The following CSMD1 variants were observed in gnomAD, a reference collection of about 807,000 sequenced individuals.
CSMD1 encodes the protein CUB and sushi domain-containing protein 1.
In CSMD1, 213 loss-of-function variants were observed where a neutral mutation model predicts 417.5. The ratio of observed to expected loss-of-function variants is 0.51; its 90% CI spans 0.46 to 0.57. The LOEUF (loss-of-function observed/expected upper bound fraction) is 0.57. Ranked by LOEUF, CSMD1 falls within the 20% of genes least tolerant of loss-of-function variation. The pLI is 0.00. For synonymous variants in CSMD1, 2,862 were observed against 1,736.8 expected, an observed-to-expected ratio of 1.65 and a Z score of -16.11; for missense variants, 6,923 against 4,529.7, an observed-to-expected ratio of 1.53 and a Z score of -15.17.
chr8:3,400,914 C>T (rs1401570793), intron 15 of CSMD1, among the ~76,000 whole-genome samples: 1 of 150,102 alleles, frequency 6.7e-6, no homozygotes, highest in Non-Finnish European at 1.5e-5. Flanking sequence ...TTAACTTGAG[C>T]TCCTGAAGAA....
intron 5 of CSMD1, among the ~76,000 whole-genome samples, chr8:3,959,410 G>T (rs938893828): frequency 6.6e-6 from 1 of 152,146 alleles, no homozygotes; most frequent in South Asian, 2.1e-4. Flanking sequence ...GAAGTGGGAA[G>T]ATCACTTGAA....
intron 5 of CSMD1, among the ~76,000 whole-genome samples, chr8:3,855,783 G>A (rs34866355): frequency 0.14 from 21,636 of 152,144 alleles, 1,677 homozygotes; most frequent in African/African-American, 0.21. Flanking sequence ...TCTGAGTAAA[G>A]ACAAGCTTTC....
chr8:4,477,467 A>G (rs1800865613), intron 2 of CSMD1, among the ~76,000 whole-genome samples: 1 of 152,232 alleles, frequency 6.6e-6, no homozygotes, highest in Non-Finnish European at 1.5e-5. Context: ...ATTTTCAGAT[A>G]TTTATATTTA....
chr8:4,093,489 G>A (rs2130854492), intron 3 of CSMD1, among the ~76,000 whole-genome samples: 1 of 152,254 alleles, frequency 6.6e-6, no homozygotes, highest in East Asian at 1.9e-4. Flanking sequence ...TTACATAGAT[G>A]TTATGTTAGC....
chr8:3,157,937 C>A lies in CSMD1; in HGVS notation c.5874G>T (p.Gly1958=). The change falls in exon 39 of 70, where the codon GGG becomes GGT. Residue 1958 remains glycine (G), a synonymous_variant. Coordinates refer to ENST00000635120, the MANE Select transcript of CSMD1 (RefSeq NM_033225.6). ...QGRSHISCMP[G]TVRRWNYPSP... ...ACGGATAGTTCCAACGGCGAACGGT[C>A]CCTGGCATACAGGAAATGTGGGAAC... is the stretch of plus-strand genomic sequence containing the variant. 1.3e-6 allele frequency: 2 copies of A among 1,554,524 alleles called. No homozygotes were observed. Among genetic ancestry groups the A allele is most frequent in the Non-Finnish European group, 1.7e-6 (2 of 1,148,658 alleles).
At chr8:4,736,028 C>G (rs1014107676) in intron 1 of CSMD1, among the ~76,000 whole-genome samples, 1 of 152,198 alleles carries the variant, frequency 6.6e-6, no homozygotes, top group African/African-American at 2.4e-5. Flanking sequence ...TGGAGACACT[C>G]AGGCTATTAT....
At chr8:4,155,432 G>T (rs530031408) in intron 3 of CSMD1, among the ~76,000 whole-genome samples, 1 of 152,150 alleles carries the variant, frequency 6.6e-6, no homozygotes, top group Non-Finnish European at 1.5e-5. Context: ...CTGTTTGGCA[G>T]GAACCTTGTT....
At chr8:4,043,242 A>AGCTATTAG (rs1369898851) in intron 3 of CSMD1, among the ~76,000 whole-genome samples, 1 of 152,248 alleles carries the variant, frequency 6.6e-6, no homozygotes, top group African/African-American at 2.4e-5. Flanking sequence ...CAAATGTTAC[A>AGCTATTAG]GCTATTAGGC....
At chr8:4,944,916 C>G (rs4875417) in intron 1 of CSMD1, among the ~76,000 whole-genome samples, 2 of 152,156 alleles carry the variant, frequency 1.3e-5, no homozygotes, top group South Asian at 2.1e-4. Context: ...ATACTCAAAA[C>G]AGTCGACATC....
At chr8:3,142,177 C>T (rs1359694385) in intron 41 of CSMD1, among the ~76,000 whole-genome samples, 1 of 152,202 alleles carries the variant, frequency 6.6e-6, no homozygotes, top group African/African-American at 2.4e-5. Flanking sequence ...GTCTCCCACA[C>T]ATCTGGCTCT....
chr8:4,210,351 T>C (rs1800232977), intron 3 of CSMD1, among the ~76,000 whole-genome samples: 1 of 152,236 alleles, frequency 6.6e-6, no homozygotes, highest in African/African-American at 2.4e-5. Flanking sequence ...AGTTGTATGA[T>C]ACCAACTTTG....
intron 1 of CSMD1, among the ~76,000 whole-genome samples, chr8:4,653,859 T>A (rs1047407550): frequency 1.3e-5 from 2 of 152,168 alleles, no homozygotes; most frequent in African/African-American, 4.8e-5. Flanking sequence ...GAAGAAGACA[T>A]GCATTTTTCA....
At chr8:4,848,712 G>C (rs1296061347) in intron 1 of CSMD1, among the ~76,000 whole-genome samples, 2 of 151,904 alleles carry the variant, frequency 1.3e-5, no homozygotes, top group African/African-American at 2.4e-5. Context: ...GCTAATTTTT[G>C]TATATTTTTA....
At chr8:3,663,775 C>G (rs1193205650) in intron 7 of CSMD1, among the ~76,000 whole-genome samples, 1 of 152,158 alleles carries the variant, frequency 6.6e-6, no homozygotes, top group Admixed American at 6.5e-5. Flanking sequence ...CTCACATATG[C>G]TGATTGATGT....
intron 3 of CSMD1, among the ~76,000 whole-genome samples, chr8:4,347,819 T>A (rs1374847536): frequency 2.1e-5 from 3 of 145,726 alleles, no homozygotes; most frequent in African/African-American, 5.3e-5. Context: ...TAAACAGATA[T>A]TATATCTTCT....
chr8:4,644,123 T>G (rs1326780117), intron 1 of CSMD1, among the ~76,000 whole-genome samples: 1 of 152,206 alleles, frequency 6.6e-6, no homozygotes, highest in East Asian at 1.9e-4. Flanking sequence ...GAGCAAGGCC[T>G]TGAAGGGAGC....
rs1254099921 is a variant in CSMD1 at position 3,107,775 on chromosome 8, G to T, written c.6778C>A (p.Pro2260Thr). 4 of 1,585,798 alleles carry T rather than the reference G, an allele frequency of 2.5e-6. No individual in the cohort carries two copies. The highest frequency in any genetic ancestry group is 3.4e-6 in the Non-Finnish European group (4 of 1,171,052). ...TCTGCCTGTGGAACCGCTGGGGGAG[G>T]TTGACATTTCTTGAGCTGAAATGCT... is the stretch of plus-strand genomic sequence containing the variant. ...FHAFQLKKCQPPPAVPQAEML... is the reference protein window; with the variant it reads ...FHAFQLKKCQTPPAVPQAEML... The change falls in exon 45 of 70, where the codon CCT becomes ACT. Residue 2260 changes from proline (P) to threonine (T), a missense_variant. Physicochemically the swap from Pro to Thr is conservative, Grantham distance 38. Coordinates refer to ENST00000635120, the MANE Select transcript of CSMD1 (RefSeq NM_033225.6).
At chr8:4,277,940 G>C (rs892505668) in intron 3 of CSMD1, among the ~76,000 whole-genome samples, 2 of 152,014 alleles carry the variant, frequency 1.3e-5, no homozygotes, top group East Asian at 1.9e-4. Flanking sequence ...AGTGGAGACA[G>C]GATTTCACCA....
intron 5 of CSMD1, among the ~76,000 whole-genome samples, chr8:3,848,668 C>G (rs1803676024): frequency 6.6e-6 from 1 of 152,098 alleles, no homozygotes; most frequent in Non-Finnish European, 1.5e-5. Context: ...TTTTTCATTT[C>G]AGATCCTATT....
Sources: allele counts gnomAD v4.1 joint callset (sites outside exome capture counted in the v4.1 genomes callset), GRCh38; gene constraint gnomAD v4.1.1; transcripts MANE v1.5; gene names NCBI Gene and HGNC (gene_info 2026-07-23, HGNC 2026-07-21).